The following GPC5 variants were observed in gnomAD, a reference collection of about 807,000 sequenced individuals.
GPC5 encodes the protein glypican 5.
GPC5 carries 47 observed loss-of-function variants against 53.9 expected under a neutral mutation model. The observed-to-expected ratio is 0.87, with a 90% CI of 0.69 to 1.11. The LOEUF is 1.11. Ranked by LOEUF, GPC5 falls within the 50% of genes most tolerant of loss-of-function variation. GPC5 has a pLI of 0.00. For missense variants in GPC5, 748 were observed against 713.1 expected (o/e 1.05, Z -0.56); for synonymous variants, 286 against 263.3 (o/e 1.09, Z -0.84).
intron 7 of GPC5, among the ~76,000 whole-genome samples, chr13:92,622,343 T>G (rs1884902322): frequency 6.6e-6 from 1 of 152,190 alleles, no homozygotes; most frequent in African/African-American, 2.4e-5. Flanking sequence ...TGGTTATAGT[T>G]GCTCTGTTGC....
chr13:91,674,325 AG>A (rs1229353273), intron 2 of GPC5, among the ~76,000 whole-genome samples: 1 of 151,842 alleles, frequency 6.6e-6, no homozygotes, highest in Non-Finnish European at 1.5e-5. Flanking sequence ...AATCCATTGA[AG>A]GCCCAAGGCA....
chr13:91,520,722 GTGTGTGTGTGTGTATA>G (rs1189555847), intron 2 of GPC5, among the ~76,000 whole-genome samples: 1 of 148,592 alleles, frequency 6.7e-6, no homozygotes, highest in Non-Finnish European at 1.5e-5. Context: ...GTGTGTGTAT[GTGTGTGTGTGTGTATA>G]TATATATATA....
At chr13:92,781,413 C>G (rs1255326239) in intron 7 of GPC5, among the ~76,000 whole-genome samples, 2 of 151,902 alleles carry the variant, frequency 1.3e-5, no homozygotes. Context: ...TAAAATTTCA[C>G]TTATCCAGAA....
chr13:91,673,458 A>T (rs2035298524), intron 2 of GPC5, among the ~76,000 whole-genome samples: 1 of 152,154 alleles, frequency 6.6e-6, no homozygotes. Context: ...TGTGCTTCAT[A>T]GTTTGTGCTA....
intron 7 of GPC5, among the ~76,000 whole-genome samples, chr13:92,352,161 G>C (rs2139268939): frequency 6.6e-6 from 1 of 152,026 alleles, no homozygotes; most frequent in Non-Finnish European, 1.5e-5. Flanking sequence ...GACAAAATTG[G>C]CATGCCATAT....
intron 7 of GPC5, among the ~76,000 whole-genome samples, chr13:92,251,223 G>A (rs970779534): frequency 1.3e-5 from 2 of 152,200 alleles, no homozygotes; most frequent in East Asian, 1.9e-4. Flanking sequence ...CAGGCTGGAC[G>A]TATGGTATGT....
intron 7 of GPC5, among the ~76,000 whole-genome samples, chr13:92,655,326 T>TTTAC (rs1423011518): frequency 1.5e-5 from 2 of 136,528 alleles, no homozygotes; most frequent in Non-Finnish European, 3.3e-5. Flanking sequence ...TATTTATTTA[T>TTTAC]TTATTTTATT....
At chr13:91,977,456 T>G (rs945432830) in intron 6 of GPC5, among the ~76,000 whole-genome samples, 1 of 152,218 alleles carries the variant, frequency 6.6e-6, no homozygotes, top group Non-Finnish European at 1.5e-5. Flanking sequence ...ATTTTATGAC[T>G]GTGCAACATG....
chr13:92,312,843 A>T (rs1414466925), intron 7 of GPC5, among the ~76,000 whole-genome samples: 1 of 152,194 alleles, frequency 6.6e-6, no homozygotes, highest in Non-Finnish European at 1.5e-5. Context: ...TATAATGTCT[A>T]ATACATAAGC....
At chr13:92,119,358 T>C (rs967881089) in intron 6 of GPC5, among the ~76,000 whole-genome samples, 14 of 150,596 alleles carry the variant, frequency 9.3e-5, no homozygotes, top group African/African-American at 2.2e-4. Context: ...AGTCAAATCA[T>C]ATCACCTATA....
At chr13:92,280,556 T>G (rs1320371208) in intron 7 of GPC5, among the ~76,000 whole-genome samples, 1 of 152,198 alleles carries the variant, frequency 6.6e-6, no homozygotes, top group Non-Finnish European at 1.5e-5. Flanking sequence ...GTTTCCATTT[T>G]TATTTATCTC....
intron 6 of GPC5, among the ~76,000 whole-genome samples, chr13:92,054,032 C>CAAGTAAAT (rs1430397494): frequency 1.4e-5 from 2 of 142,478 alleles, no homozygotes; most frequent in Non-Finnish European, 1.5e-5. Context: ...AATTCCATTT[C>CAAGTAAAT]AAATAAATAA....
chr13:91,847,493 C>G (rs1345803771), intron 5 of GPC5, among the ~76,000 whole-genome samples: 3 of 152,102 alleles, frequency 2.0e-5, no homozygotes, highest in Non-Finnish European at 2.9e-5. Context: ...GGTTTGCTCC[C>G]TCTCAGCTGC....
intron 7 of GPC5, among the ~76,000 whole-genome samples, chr13:92,482,532 C>T (rs1014131940): frequency 2.6e-5 from 4 of 152,184 alleles, no homozygotes; most frequent in African/African-American, 9.7e-5. Context: ...GTAAAAGATT[C>T]TTTAACACCA....
intron 7 of GPC5, among the ~76,000 whole-genome samples, chr13:92,272,567 ACT>A (rs1296650430): frequency 6.6e-6 from 1 of 152,102 alleles, no homozygotes; most frequent in Non-Finnish European, 1.5e-5. Context: ...CACAGTCAAG[ACT>A]CTGTGAAGGA....
chr13:91,930,597 A>T (rs1207777615), intron 6 of GPC5, among the ~76,000 whole-genome samples: 2 of 152,054 alleles, frequency 1.3e-5, no homozygotes, highest in Non-Finnish European at 1.5e-5. Flanking sequence ...ACAAAAAAAA[A>T]TGACAGTTTT....
At chr13:92,628,264 C>CTGTTTTTTT (rs1885114961) in intron 7 of GPC5, among the ~76,000 whole-genome samples, 29 of 45,358 alleles carry the variant, frequency 6.4e-4, no homozygotes, top group Non-Finnish European at 1.1e-3. Context: ...CTTTTTCTTT[C>CTGTTTTTTT]TTTTTTTTTT....
chr13:92,837,752 C>G (rs1388777201), intron 7 of GPC5, among the ~76,000 whole-genome samples: 1 of 152,112 alleles, frequency 6.6e-6, no homozygotes, highest in Non-Finnish European at 1.5e-5. Context: ...TTAACAGAAA[C>G]TCTGGAAGGC....
chr13:91,887,968 G>A (rs1232384519), intron 5 of GPC5, among the ~76,000 whole-genome samples: 2 of 152,134 alleles, frequency 1.3e-5, no homozygotes, highest in Non-Finnish European at 2.9e-5. Flanking sequence ...CAAAGTCGCT[G>A]CCACATTTTT....
Sources: allele counts gnomAD v4.1 joint callset (sites outside exome capture counted in the v4.1 genomes callset), GRCh38; gene constraint gnomAD v4.1.1; transcripts MANE v1.5; gene names NCBI Gene and HGNC (gene_info 2026-07-23, HGNC 2026-07-21).